The following LRRC28 variants were observed in gnomAD, a reference collection of about 807,000 sequenced individuals.
The protein encoded by LRRC28 is leucine-rich repeat-containing protein 28.
Under a neutral mutation model 45.7 loss-of-function variants are expected in LRRC28, and 39 were observed. That is an observed-to-expected ratio of 0.85 (90% CI 0.66 to 1.12). The LOEUF (loss-of-function observed/expected upper bound fraction) is 1.12. Among genes scored for constraint, LRRC28 ranks in the 50% most tolerant of loss-of-function variants. The probability of loss-of-function intolerance (pLI) is 0.00; values close to 1 mark genes in which losing one functional copy is unlikely to be tolerated. For synonymous variants in LRRC28, 206 were observed against 178.8 expected (o/e 1.15, Z -1.22); for missense variants, 435 against 438.5 (o/e 0.99, Z 0.07).
chr15:99,340,098 T>C (rs1956457096), intron 6 of LRRC28, among the ~76,000 whole-genome samples: 1 of 152,276 alleles, frequency 6.6e-6, no homozygotes, highest in Non-Finnish European at 1.5e-5. Flanking sequence ...TTAGCGTGAT[T>C]CTACCACTCC....
At chr15:99,356,576 A>C (rs571153474) in intron 7 of LRRC28, among the ~76,000 whole-genome samples, 1 of 152,322 alleles carries the variant, frequency 6.6e-6, no homozygotes, top group African/African-American at 2.4e-5. Flanking sequence ...AATCTTATGC[A>C]TGTATAATTG....
intron 5 of LRRC28, among the ~76,000 whole-genome samples, chr15:99,289,399 G>C (rs1216839468): frequency 6.6e-6 from 1 of 152,104 alleles, no homozygotes; most frequent in African/African-American, 2.4e-5. Context: ...ACACCAACCA[G>C]CCTTTTAGTG....
intron 9 of LRRC28, among the ~76,000 whole-genome samples, chr15:99,381,533 G>A (rs62025368): frequency 0.033 from 5,023 of 152,272 alleles, 119 homozygotes; most frequent in Non-Finnish European, 0.051. Flanking sequence ...CTCTCAACTC[G>A]TCAAAGTCAT....
chr15:99,380,789 A>T (rs185307538), intron 9 of LRRC28, among the ~76,000 whole-genome samples: 248 of 152,294 alleles, frequency 1.6e-3, no homozygotes, highest in African/African-American at 5.7e-3. Context: ...TCCTTCACTT[A>T]TGAAGCTTAA....
chr15:99,343,424 C>T (rs1018710627), intron 6 of LRRC28, among the ~76,000 whole-genome samples: 2 of 152,114 alleles, frequency 1.3e-5, no homozygotes, highest in African/African-American at 4.8e-5. Context: ...CTGTGTATGC[C>T]AGAGCCTTGA....
chr15:99,320,442 G>A lies in LRRC28; in HGVS notation c.386-13481G>A, dbSNP rs1414236726. 2.0e-5 allele frequency among the ~76,000 whole-genome samples: 3 copies of A among 152,120 alleles called. No individual in the cohort carries two copies. The East Asian group carries it at 5.8e-4, about 29-fold the overall frequency. On this transcript the variant is annotated intron_variant, in intron 5 of 9. Transcript: ENST00000301981. ...AAGGGTTATAAAAAAATAAACATGA[G>A]TTCATGTTTAAATTTGTAGACCATT...
chr15:99,377,452 A>G (rs1198618539), intron 9 of LRRC28, among the ~76,000 whole-genome samples: 4 of 152,244 alleles, frequency 2.6e-5, no homozygotes, highest in Non-Finnish European at 5.9e-5. Flanking sequence ...GCCCTTTGCC[A>G]GATGAGTAGA....
Position 99,276,557 on chromosome 15 carries a change from C to A in LRRC28, c.169-19C>A, listed in dbSNP as rs1168755586. On this transcript the variant is annotated intron_variant, in intron 2 of 9. Coordinates refer to ENST00000301981, the MANE Select transcript of LRRC28 (RefSeq NM_144598.5). ...CATTTTTCAAAAATAAAATTTAATT[C>A]TGAGTTTTTAATTTTCAGCCAGAAA... 1.3e-6 allele frequency: 2 copies of A among 1,544,712 alleles called. No homozygotes were observed. Among genetic ancestry groups the A allele is most frequent in the Non-Finnish European group, 1.7e-6 (2 of 1,151,350 alleles).
intron 2 of LRRC28, among the ~76,000 whole-genome samples, chr15:99,268,182 T>C (rs943369871): frequency 2.0e-5 from 3 of 152,214 alleles, no homozygotes; most frequent in African/African-American, 7.2e-5. Context: ...TGTGGAGAAA[T>C]GAAGTGCTGC....
intron 6 of LRRC28, among the ~76,000 whole-genome samples, chr15:99,334,523 G>A (rs951547036): frequency 2.6e-5 from 4 of 151,570 alleles, no homozygotes; most frequent in African/African-American, 9.7e-5. Context: ...AGAAAAATTG[G>A]TATTGGGTAT....
chr15:99,360,051 AAAAAC>A (rs1256873480), intron 7 of LRRC28, among the ~76,000 whole-genome samples: 3 of 152,144 alleles, frequency 2.0e-5, no homozygotes, highest in Non-Finnish European at 4.4e-5. Context: ...ATATTTGGTA[AAAAAC>A]AAAACAAAAC....
intron 2 of LRRC28, among the ~76,000 whole-genome samples, chr15:99,262,398 A>G (rs547604347): frequency 9.9e-5 from 15 of 152,216 alleles, no homozygotes; most frequent in African/African-American, 3.6e-4. Context: ...GCTGGCCAAC[A>G]TGATGAAACC....
chr15:99,368,871 C>A (rs1957407784), intron 9 of LRRC28, among the ~76,000 whole-genome samples: 1 of 152,266 alleles, frequency 6.6e-6, no homozygotes, highest in African/African-American at 2.4e-5. Context: ...ATAATGTGCT[C>A]AATTCATCTC....
chr15:99,333,671 T>G, intron 5 of LRRC28: 1 of 522,320 alleles, frequency 1.9e-6, no homozygotes, highest in Admixed American at 3.2e-5. Flanking sequence ...ACTCACCACT[T>G]TGTGTCTCTT....
chr15:99,375,962 G>T (rs548605262), intron 9 of LRRC28, among the ~76,000 whole-genome samples: 1 of 151,774 alleles, frequency 6.6e-6, no homozygotes, highest in Admixed American at 6.6e-5. Flanking sequence ...CTTGCTTTGG[G>T]CTTATTTTGT....
At position 99,389,770 on chromosome 15, in the gene LRRC28, TCAAA is replaced by T. The variant is rs1185087359; in HGVS notation, c.*3673_*3676del. ...ACTCAGTGAATATCTTGCCTTTTCT[TCAAA>T]CAAAGGGGGTTTTTATAAAGTTTGT... is the stretch of plus-strand genomic sequence containing the variant. On this transcript the variant is annotated 3_prime_UTR_variant, in exon 10 of 10. Transcript: ENST00000301981. 7 of 152,190 alleles carry T rather than the reference TCAAA, an allele frequency of 4.6e-5. No homozygotes were observed. The highest frequency in any genetic ancestry group is 6.5e-5 in the Admixed American group (1 of 15,282). The allele number at this position is 152,190 out of a possible 1,614,324, so 9.4% of individuals were successfully genotyped here. A position where few individuals can be genotyped will look rare whatever the true frequency, so the allele number is the denominator to read the frequency against.
At chr15:99,258,882 G>A (rs576176230) in intron 2 of LRRC28, 15 of 709,130 alleles carry the variant, frequency 2.1e-5, no homozygotes, top group Middle Eastern at 2.4e-4. Flanking sequence ...GATGACTTCC[G>A]TGATACGATG....
At chr15:99,288,102 T>A in intron 5 of LRRC28, 151 bp downstream of exon 5, 1 of 722,904 alleles carries the variant, frequency 1.4e-6, no homozygotes, top group Non-Finnish European at 2.0e-6. Context: ...GGTGAAATAT[T>A]ACTAAGAGTC....
intron 5 of LRRC28, among the ~76,000 whole-genome samples, chr15:99,310,134 G>A (rs34817204): frequency 0.096 from 14,666 of 152,206 alleles, 1,011 homozygotes; most frequent in East Asian, 0.33. Flanking sequence ...GTATGAGTTT[G>A]TAATGGTGCT....
Sources: allele counts gnomAD v4.1 joint callset (sites outside exome capture counted in the v4.1 genomes callset), GRCh38; gene constraint gnomAD v4.1.1; transcripts MANE v1.5; gene names NCBI Gene and HGNC (gene_info 2026-07-23, HGNC 2026-07-21).